HIVEP1: variants seen among roughly 807,000 people sequenced by gnomAD.
HIVEP1 encodes the protein HIVEP zinc finger 1.
A neutral mutation model predicts 180.0 loss-of-function variants in HIVEP1; 36 were observed. The observed-to-expected ratio is 0.20, with a 90% CI of 0.15 to 0.26. HIVEP1 has a LOEUF of 0.26. Ranked by LOEUF, HIVEP1 falls within the 10% of genes least tolerant of loss-of-function variation. The pLI, the probability that HIVEP1 is intolerant of heterozygous loss-of-function variation, is 1.00. For missense variants in HIVEP1, 3,143 were observed against 3,268.7 expected (o/e 0.96, Z 0.94); for synonymous variants, 1,239 against 1,239.0 (o/e 1.00, Z 0.00).
intron 3 of HIVEP1, among the ~76,000 whole-genome samples, chr6:12,099,640 C>T (rs1182600504): frequency 6.6e-6 from 1 of 152,102 alleles, no homozygotes; most frequent in African/African-American, 2.4e-5. Context: ...CCTGGGGTCT[C>T]CTCACATCTT....
At chr6:12,049,341 A>C (rs1770345573) in intron 2 of HIVEP1, among the ~76,000 whole-genome samples, 1 of 152,050 alleles carries the variant, frequency 6.6e-6, no homozygotes, top group African/African-American at 2.4e-5. Context: ...CCTCTCTCTA[A>C]GATTTGGCTA....
In HIVEP1 at chr6:12,063,503, G is replaced by A. The variant is rs1199385568; in HGVS notation, c.41-25681G>A. Among the ~76,000 whole-genome samples the A allele has an allele frequency of 6.6e-6, 1 of 152,118 alleles. No homozygotes were observed. The highest frequency in any genetic ancestry group is 1.5e-5 in the Non-Finnish European group (1 of 68,012). ...GGGGAGGGAGGAGCTGGCTCATGTT[G>A]GCAGGTGTGGCTGCACGTGGAAGGT... On this transcript the variant is annotated intron_variant, in intron 2 of 8. Transcript: ENST00000379388. This position sits in a 1 kb window ranked among gnomAD's most constrained non-coding sequence, Gnocchi z 4.2.
chr6:12,022,679 A>G (rs536884488), intron 2 of HIVEP1, among the ~76,000 whole-genome samples: 162 of 152,306 alleles, frequency 1.1e-3, no homozygotes, highest in African/African-American at 3.7e-3. Flanking sequence ...GAGAGCTACT[A>G]CTTTCTGTAA....
intron 2 of HIVEP1, among the ~76,000 whole-genome samples, chr6:12,066,459 A>G (rs1410718843): frequency 1.3e-5 from 2 of 152,332 alleles, no homozygotes; most frequent in East Asian, 1.9e-4. Flanking sequence ...GCAGCAGCTG[A>G]TAAATGATCA....
chr6:12,021,375 ACTT>A lies in HIVEP1; in HGVS notation c.40+5713_40+5715del, dbSNP rs570938140. 2.5e-3 allele frequency among the ~76,000 whole-genome samples: 383 copies of A among 152,124 alleles called. 1 individual carries two copies. Among genetic ancestry groups the A allele is most frequent in the Non-Finnish European group, 4.1e-3 (276 of 67,988 alleles). Reference sequence around the variant, plus strand: ...GTGCTTGGTTGTCTTTCTGGAAGTTACTTCTTCTCCTTTTCCATTTCTACTGTT... The same window carrying A: ...GTGCTTGGTTGTCTTTCTGGAAGTTACTTCTCCTTTTCCATTTCTACTGTT... On this transcript the variant is annotated intron_variant, in intron 2 of 8. Coordinates refer to ENST00000379388, the MANE Select transcript of HIVEP1 (RefSeq NM_002114.4).
the HIVEP1 span, among the ~76,000 whole-genome samples, chr6:12,175,326 TTC>T: frequency 1.3e-5 from 2 of 152,234 alleles, no homozygotes; most frequent in East Asian, 3.8e-4. Context: ...ATTATTTATT[TTC>T]TGTGCTTCAG....
chr6:12,084,771 AG>A (rs1205480263), intron 2 of HIVEP1, among the ~76,000 whole-genome samples: 1 of 152,118 alleles, frequency 6.6e-6, no homozygotes, highest in East Asian at 1.9e-4. Flanking sequence ...TGAGTTTTGA[AG>A]GCTAAACGAA....
the HIVEP1 span, among the ~76,000 whole-genome samples, chr6:12,170,011 C>G: frequency 6.6e-6 from 1 of 151,866 alleles, no homozygotes; most frequent in East Asian, 1.9e-4. Flanking sequence ...GTCCCAGCTA[C>G]TTGGGAGGCT....
chr6:12,120,533 G>T lies in HIVEP1; in HGVS notation c.738G>T (p.Gln246His). Reference sequence around the variant, plus strand: ...ACAGTTCAATGGATGCCCCAAATCAGACTTCACAGGAATTGGTTGCTGAAT... The same window carrying T: ...ACAGTTCAATGGATGCCCCAAATCATACTTCACAGGAATTGGTTGCTGAAT... ...LKNSSMDAPN[Q>H]TSQELVAESQ... is the part of the protein sequence containing the mutation. Residue 246 changes from glutamine (Q) to histidine (H), a missense_variant, in exon 4 of 9, where the codon CAG (glutamine) becomes CAT (histidine). Gln to His is a conservative substitution (Grantham distance 24). Coordinates refer to ENST00000379388, the MANE Select transcript of HIVEP1 (RefSeq NM_002114.4). 6.2e-7 allele frequency: 1 copy of T among 1,614,170 alleles called. No individual in the cohort carries two copies. The highest frequency in any genetic ancestry group is 8.5e-7 in the Non-Finnish European group (1 of 1,180,028).
At chr6:12,029,912 C>T in intron 2 of HIVEP1, among the ~76,000 whole-genome samples, 1 of 152,152 alleles carries the variant, frequency 6.6e-6, no homozygotes, top group Non-Finnish European at 1.5e-5. Context: ...TCTATGGATT[C>T]AGGTTATCAT....
At chr6:12,046,576 C>T (rs776397292) in intron 2 of HIVEP1, among the ~76,000 whole-genome samples, 1 of 151,926 alleles carries the variant, frequency 6.6e-6, no homozygotes, top group Non-Finnish European at 1.5e-5. Context: ...GTCAAGAGAT[C>T]GAGACAATCC....
intron 3 of HIVEP1, among the ~76,000 whole-genome samples, chr6:12,115,428 A>G (rs757700616): frequency 5.4e-5 from 7 of 130,838 alleles, no homozygotes; most frequent in Non-Finnish European, 9.2e-5. Flanking sequence ...TCCCTAACTG[A>G]TGAAGAGTGC....
chr6:12,069,665 A>G (rs1399750180), intron 2 of HIVEP1, among the ~76,000 whole-genome samples: 2 of 151,632 alleles, frequency 1.3e-5, no homozygotes, highest in East Asian at 1.9e-4. Context: ...TGGCAAATGT[A>G]TACATATGTA....
At chr6:12,028,010 A>G (rs561992594) in intron 2 of HIVEP1, among the ~76,000 whole-genome samples, 2 of 152,238 alleles carry the variant, frequency 1.3e-5, no homozygotes. Context: ...TGAGCTCATG[A>G]TAACTGTTGA....
chr6:12,120,407 G>A lies in HIVEP1; in HGVS notation c.612G>A (p.Glu204=). 1 of 1,614,170 alleles carries A rather than the reference G, an allele frequency of 6.2e-7. No homozygotes were observed. The highest frequency in any genetic ancestry group is 1.3e-5 in the African/African-American group (1 of 75,028). ...TCGATGTCTTACTGAAAGCAATGGA[G>A]CCAGAACTGAGCACCTTGTCACAAA... The part of the protein sequence containing the change: ...TAFDVLLKAM[E]PELSTLSQKG... The change falls in exon 4 of 9, where the codon GAG becomes GAA. Residue 204 remains glutamate (E), a synonymous_variant. Coordinates refer to ENST00000379388, the MANE Select transcript of HIVEP1 (RefSeq NM_002114.4).
intron 2 of HIVEP1, among the ~76,000 whole-genome samples, chr6:12,055,011 A>G (rs1303417037): frequency 6.6e-6 from 1 of 152,254 alleles, no homozygotes; most frequent in Non-Finnish European, 1.5e-5. Context: ...TGTGCAGAAC[A>G]AGATGGGCAA....
intron 2 of HIVEP1, among the ~76,000 whole-genome samples, chr6:12,060,415 C>G (rs901536023): frequency 6.6e-6 from 1 of 152,064 alleles, no homozygotes; most frequent in African/African-American, 2.4e-5. Context: ...TCAGTTTTTC[C>G]CTCCTGTAGA....
downstream of HIVEP1, among the ~76,000 whole-genome samples, chr6:12,169,674 G>A (rs1295219718): frequency 1.3e-5 from 2 of 152,192 alleles, no homozygotes; most frequent in East Asian, 3.8e-4. Context: ...GGGGATTGCT[G>A]TATTTTGAAG....
At chr6:12,037,541 A>T (rs764597694) in intron 2 of HIVEP1, among the ~76,000 whole-genome samples, 1 of 152,224 alleles carries the variant, frequency 6.6e-6, no homozygotes, top group Non-Finnish European at 1.5e-5. Flanking sequence ...GAATATAAAC[A>T]TATTTGTGGA....
Sources: gnomAD v4.1 joint callset for allele counts (sites outside exome capture counted in the v4.1 genomes callset) on GRCh38, gnomAD v4.1.1 for gene constraint, Gnocchi (gnomAD v3.1) non-coding constraint, MANE v1.5 for transcripts, NCBI Gene and HGNC (gene_info 2026-07-23, HGNC 2026-07-21) for gene names.